CUL3: variants seen among roughly 807,000 people sequenced by gnomAD.
The protein encoded by CUL3 is cullin-3.
In CUL3, 19 loss-of-function variants were observed where a neutral mutation model predicts 89.1. That is an observed-to-expected ratio of 0.21 (90% confidence interval 0.15 to 0.31). The LOEUF (loss-of-function observed/expected upper bound fraction) is 0.31, where lower values mean the gene tolerates loss of function less well. Ranked by LOEUF, CUL3 falls within the 10% of genes least tolerant of loss-of-function variation. The pLI is 1.00. For missense variants in CUL3, 469 were observed against 942.3 expected (o/e 0.50, Z 6.58); for synonymous variants, 351 against 308.4 (o/e 1.14, Z -1.45).
In CUL3 at chr2:224,510,220, T is replaced by C. The variant is rs77561148; in HGVS notation, c.883+1134A>G. On this transcript the variant is annotated intron_variant, in intron 6 of 15. Transcript: ENST00000264414. ...CAGCAAATATACTAGATGACTTCTG[T>C]TTTTTTTTTTTTTTTGGCTTTTACA... is the stretch of plus-strand genomic sequence containing the variant. Among the ~76,000 whole-genome samples, 203 of 87,962 alleles carry C rather than the reference T, an allele frequency of 2.3e-3. 1 individual carries two copies. The highest frequency in any genetic ancestry group is 6.0e-3 in the African/African-American group (125 of 20,794). The allele number at this position is 87,962 out of a possible 152,430, so 57.7% of individuals were successfully genotyped here.
intron 5 of CUL3, among the ~76,000 whole-genome samples, chr2:224,512,324 C>T (rs6747594): frequency 8.0e-4 from 122 of 152,150 alleles, no homozygotes; most frequent in African/African-American, 2.9e-3. Flanking sequence ...TCTCAATCTC[C>T]TGATATAGTG....
intron 1 of CUL3, among the ~76,000 whole-genome samples, chr2:224,575,872 C>T (rs1377496845): frequency 6.6e-6 from 1 of 152,130 alleles, no homozygotes; most frequent in African/African-American, 2.4e-5. Context: ...CCTGTCTGAT[C>T]GCCACTGTAG....
At chr2:224,535,194 A>G (rs1345473855) in intron 3 of CUL3, among the ~76,000 whole-genome samples, 2 of 152,178 alleles carry the variant, frequency 1.3e-5, no homozygotes, top group Non-Finnish European at 2.9e-5. Context: ...TGAAATGTTT[A>G]ATTTCTTTTT....
Position 224,557,713 on chromosome 2 carries a change from T to A in CUL3, c.210A>T (p.Gly70=). Residue 70 remains glycine (G), a synonymous_variant, in exon 2 of 16, where the codon GGA becomes GGT. Coordinates refer to ENST00000264414, the MANE Select transcript of CUL3 (RefSeq NM_003590.5). ...CTCTTAGTCCAGTGTAGAGCTTTTC[T>A]CCATGTTTATGCAAAACCATTGTAT... ...NAYTMVLHKH[G]EKLYTGLREV... is the part of the protein sequence containing the mutation. 1 of 1,612,318 alleles carries A rather than the reference T, an allele frequency of 6.2e-7. No homozygotes were observed. Among genetic ancestry groups the A allele is most frequent in the Non-Finnish European group, 8.5e-7 (1 of 1,179,122 alleles).
rs1355378566 is a variant in CUL3 at position 224,500,455 on chromosome 2, C to T, written c.1518G>A (p.Arg506=). 1.9e-6 allele frequency: 3 copies of T among 1,613,436 alleles called. No individual in the cohort carries two copies. The highest frequency in any genetic ancestry group is 1.7e-6 in the Non-Finnish European group (2 of 1,179,862). The part of the protein sequence containing the change: ...VSLGGVDLTV[R]VLTTGYWPTQ... Reference sequence around the variant, plus strand: ...TGGGCCAATATCCTGTCGTGAGCACCCGGACTGTAAGATCAACACCACCTA... The same window carrying T: ...TGGGCCAATATCCTGTCGTGAGCACTCGGACTGTAAGATCAACACCACCTA... The change falls in exon 11 of 16, where the codon CGG becomes CGA. Residue 506 remains arginine, a synonymous_variant. Coordinates refer to ENST00000264414, the MANE Select transcript of CUL3 (RefSeq NM_003590.5).
At chr2:224,518,913 A>G (rs776338035) in intron 3 of CUL3, among the ~76,000 whole-genome samples, 2 of 152,232 alleles carry the variant, frequency 1.3e-5, no homozygotes, top group Non-Finnish European at 2.9e-5. Context: ...CTTATGGCCT[A>G]CAATGTCTGC....
chr2:224,576,420 AG>A (rs1322480061), intron 1 of CUL3, among the ~76,000 whole-genome samples: 1 of 152,200 alleles, frequency 6.6e-6, no homozygotes, highest in African/African-American at 2.4e-5. Context: ...TGCTACATAC[AG>A]AAGTGCCACA....
chr2:224,500,618 T>G, intron 10 of CUL3, 131 bp from the exon 11 acceptor site: 1 of 800,684 alleles, frequency 1.2e-6, no homozygotes, highest in Non-Finnish European at 1.8e-6. Context: ...AAAAAGCAGA[T>G]TTTCTTTTCT....
chr2:224,476,306 C>G (rs547565523), intron 15 of CUL3, among the ~76,000 whole-genome samples: 1 of 152,108 alleles, frequency 6.6e-6, no homozygotes, highest in Non-Finnish European at 1.5e-5. Context: ...CGTGAGCCAC[C>G]GCGAGTCACA....
intron 3 of CUL3, among the ~76,000 whole-genome samples, chr2:224,534,819 A>G (rs1693822843): frequency 6.6e-6 from 1 of 151,778 alleles, no homozygotes; most frequent in African/African-American, 2.4e-5. Context: ...CGTCTCTACT[A>G]AAAAGAAAAA....
chr2:224,470,984 A>T lies in CUL3; in HGVS notation c.*3261T>A, dbSNP rs1174837255. 1 of 228,604 alleles carries T rather than the reference A, an allele frequency of 4.4e-6. No individual in the cohort carries two copies. Among genetic ancestry groups the T allele is most frequent in the Non-Finnish European group, 8.7e-6 (1 of 115,336 alleles). 14.2% of individuals were successfully genotyped at this position (228,604 alleles called of 1,614,324 possible). ...GGACAACACTGGTATAATGACAGTT[A>T]TGTCACATAAAGCCAATATGACAAC... On this transcript the variant is annotated 3_prime_UTR_variant, in exon 16 of 16. Coordinates refer to ENST00000264414, the MANE Select transcript of CUL3 (RefSeq NM_003590.5).
At chr2:224,506,165 A>G in intron 7 of CUL3, 33 bp from the exon 8 acceptor site, 2 of 1,444,394 alleles carry the variant, frequency 1.4e-6, no homozygotes, top group Non-Finnish European at 1.9e-6. Flanking sequence ...AGGACACATT[A>G]TAATAATTTT....
chr2:224,532,890 C>G (rs1324346130), intron 3 of CUL3: 3 of 152,050 alleles, frequency 2.0e-5, no homozygotes, highest in African/African-American at 7.2e-5. Flanking sequence ...CCACCCTCCA[C>G]TAAAAGAGGA....
At chr2:224,517,260 G>A (rs1206888577) in intron 3 of CUL3, among the ~76,000 whole-genome samples, 1 of 151,978 alleles carries the variant, frequency 6.6e-6, no homozygotes, top group Non-Finnish European at 1.5e-5. Flanking sequence ...AGTAAAACAG[G>A]GAAACTATTA....
intron 2 of CUL3, among the ~76,000 whole-genome samples, chr2:224,541,046 T>C (rs1694083723): frequency 6.6e-6 from 1 of 151,140 alleles, no homozygotes; most frequent in African/African-American, 2.4e-5. Flanking sequence ...AAGAAGAAAA[T>C]GTCATCTGAT....
At chr2:224,481,488 A>G (rs1217492766) in intron 14 of CUL3, among the ~76,000 whole-genome samples, 5 of 152,116 alleles carry the variant, frequency 3.3e-5, no homozygotes, top group Admixed American at 2.0e-4. Context: ...AATATTTATC[A>G]AAATATAAAT....
intron 1 of CUL3, among the ~76,000 whole-genome samples, chr2:224,583,806 T>G (rs1262942378): frequency 2.6e-5 from 4 of 152,174 alleles, no homozygotes; most frequent in Non-Finnish European, 4.4e-5. Context: ...AGGTAAGTCT[T>G]TCCTCACTGC....
intron 1 of CUL3, among the ~76,000 whole-genome samples, chr2:224,568,779 T>A (rs998852509): frequency 5.9e-5 from 9 of 152,124 alleles, no homozygotes; most frequent in African/African-American, 2.2e-4. Flanking sequence ...CTACAATCTT[T>A]CCCTAAATCA....
chr2:224,585,049 T>A lies in CUL3; in HGVS notation c.-40A>T, dbSNP rs2106331456. ...CCCCGGCGGCGGCTTCAGGTCGCGC[T>A]CCGCGACGCCGGTGTCACATTTAAG... is the stretch of plus-strand genomic sequence containing the variant. On this transcript the variant is annotated 5_prime_UTR_variant, in exon 1 of 16. Transcript: ENST00000264414. 6.9e-7 allele frequency: 1 copy of A among 1,452,416 alleles called. No homozygotes were observed. The highest frequency in any genetic ancestry group is 9.2e-7 in the Non-Finnish European group (1 of 1,082,654). The allele number at this position is 1,452,416 out of a possible 1,614,324, so 90.0% of individuals were successfully genotyped here. A position where few individuals can be genotyped will look rare whatever the true frequency, so the allele number is the denominator to read the frequency against.
Sources: allele counts gnomAD v4.1 joint callset (sites outside exome capture counted in the v4.1 genomes callset), GRCh38; gene constraint gnomAD v4.1.1; transcripts MANE v1.5; gene names NCBI Gene and HGNC (gene_info 2026-07-23, HGNC 2026-07-21).